Variants in FBXO15 observed in about 807,000 individuals in gnomAD.
The protein encoded by FBXO15 is F-box only protein 15.
In FBXO15, 30 loss-of-function variants were observed where a neutral mutation model predicts 49.5. The observed-to-expected ratio is 0.61, with a 90% CI of 0.45 to 0.82. The LOEUF (loss-of-function observed/expected upper bound fraction) is 0.82. Among genes scored for constraint, FBXO15 ranks in the 40% least tolerant of loss-of-function variants. FBXO15 has a pLI of 0.00. For missense variants in FBXO15, 591 were observed against 631.5 expected (o/e 0.94, Z 0.69); for synonymous variants, 250 against 232.7 (o/e 1.07, Z -0.68).
intron 2 of FBXO15, 33 bp downstream of exon 2, chr18:74,140,169 C>G (rs768907377): frequency 1.3e-6 from 2 of 1,526,878 alleles, no homozygotes; most frequent in South Asian, 2.4e-5. Flanking sequence ...GCCTAGAGGC[C>G]CCCAAAAGTG....
intron 8 of FBXO15, among the ~76,000 whole-genome samples, chr18:74,087,987 T>C (rs1912823538): frequency 6.6e-6 from 1 of 152,224 alleles, no homozygotes; most frequent in Non-Finnish European, 1.5e-5. Flanking sequence ...CATTTTATCA[T>C]ATGCTTGTTG....
chr18:74,096,012 C>A (rs1358805868), intron 8 of FBXO15, among the ~76,000 whole-genome samples: 1 of 152,144 alleles, frequency 6.6e-6, no homozygotes, highest in Non-Finnish European at 1.5e-5. Context: ...ACCCCTCCCC[C>A]GATTCTACCC....
chr18:74,123,837 G>C (rs1914577864), intron 7 of FBXO15, among the ~76,000 whole-genome samples: 1 of 152,008 alleles, frequency 6.6e-6, no homozygotes, highest in South Asian at 2.1e-4. Flanking sequence ...AGTGTCCAGG[G>C]GACAAAAGTG....
intron 8 of FBXO15, among the ~76,000 whole-genome samples, chr18:74,094,238 T>C (rs981504416): frequency 6.6e-6 from 1 of 152,194 alleles, no homozygotes; most frequent in African/African-American, 2.4e-5. Context: ...GCTGACTGTA[T>C]TGGAGGGTAG....
chr18:74,128,992 A>C (rs533142860), intron 5 of FBXO15, among the ~76,000 whole-genome samples: 1 of 152,374 alleles, frequency 6.6e-6, no homozygotes, highest in African/African-American at 2.4e-5. Flanking sequence ...ATATCTAGTA[A>C]GTTCAACAGA....
chr18:74,119,635 G>A (rs1295336859), intron 8 of FBXO15, among the ~76,000 whole-genome samples: 1 of 152,084 alleles, frequency 6.6e-6, no homozygotes, highest in East Asian at 1.9e-4. Flanking sequence ...TAAGATCTGG[G>A]GCAGTAACAC....
At chr18:74,105,227 T>C (rs1310741125) in intron 8 of FBXO15, among the ~76,000 whole-genome samples, 3 of 152,186 alleles carry the variant, frequency 2.0e-5, no homozygotes, top group Admixed American at 2.0e-4. Flanking sequence ...TAAAACCTAG[T>C]GTTAGACCAG....
chr18:74,106,864 T>C (rs1238892903), intron 8 of FBXO15, among the ~76,000 whole-genome samples: 7 of 152,060 alleles, frequency 4.6e-5, no homozygotes, highest in African/African-American at 7.2e-5. Flanking sequence ...GGAGAATGGG[T>C]CAATAAATTA....
chr18:74,110,161 G>A (rs1913950771), intron 8 of FBXO15, among the ~76,000 whole-genome samples: 1 of 118,002 alleles, frequency 8.5e-6, no homozygotes, highest in Admixed American at 9.0e-5. Context: ...ATACATATGT[G>A]TGCATATATA....
rs775940929 is a variant in FBXO15 at position 74,130,489 on chromosome 18, C to T, written c.502G>A (p.Ala168Thr). The change falls in exon 4 of 10, where the codon GCC becomes ACC. Residue 168 changes from alanine (A) to threonine (T), a missense_variant. Physicochemically the swap from Ala to Thr is moderately conservative, Grantham distance 58. Transcript: ENST00000419743. ...GGTTTGAGAATGTCAGCTAGTGCGG[C>T]TTTTACAGATGCTATTTGTTTTGTG... ...YITKQIASVK[A>T]ALADILKPVN... is the part of the protein sequence containing the mutation. The T allele has an allele frequency of 1.9e-6, 3 of 1,614,140 alleles. No homozygotes were observed. The East Asian group carries it at 6.7e-5, about 36-fold the overall frequency.
intron 3 of FBXO15, among the ~76,000 whole-genome samples, chr18:74,132,662 C>G (rs554423233): frequency 6.6e-6 from 1 of 152,272 alleles, no homozygotes; most frequent in East Asian, 1.9e-4. Flanking sequence ...ACTTCTTGAT[C>G]CCCAAATGCT....
chr18:74,088,424 A>C (rs1568158874), intron 8 of FBXO15, among the ~76,000 whole-genome samples: 1 of 152,216 alleles, frequency 6.6e-6, no homozygotes, highest in Non-Finnish European at 1.5e-5. Flanking sequence ...GCATATGGCT[A>C]GCCAGTTATC....
intron 6 of FBXO15, 26 bp downstream of exon 6, chr18:74,125,948 CA>C (rs1484187069): frequency 1.1e-5 from 18 of 1,611,572 alleles, no homozygotes; most frequent in Non-Finnish European, 1.5e-5. Flanking sequence ...GGAAATGACA[CA>C]GTACATACAG....
intron 8 of FBXO15, among the ~76,000 whole-genome samples, chr18:74,089,198 C>A (rs1026561914): frequency 6.6e-6 from 1 of 152,064 alleles, no homozygotes; most frequent in Non-Finnish European, 1.5e-5. Flanking sequence ...CTTTTTGTGG[C>A]AATTGTGAAT....
intron 3 of FBXO15, among the ~76,000 whole-genome samples, chr18:74,133,255 C>T (rs757330767): frequency 6.6e-6 from 1 of 152,090 alleles, no homozygotes; most frequent in African/African-American, 2.4e-5. Context: ...ATCAGTAGCT[C>T]ATATTTCCAA....
In FBXO15 at chr18:74,073,442, A is replaced by G. The variant is rs201733966; in HGVS notation, c.*19T>C. The G allele has an allele frequency of 1.2e-4, 192 of 1,601,684 alleles. No homozygotes were observed. The highest frequency in any genetic ancestry group is 1.6e-4 in the Non-Finnish European group (187 of 1,174,030). On this transcript the variant is annotated 3_prime_UTR_variant, in exon 10 of 10. Transcript: ENST00000419743. Reference sequence around the variant, plus strand: ...CAAAAATAAACAACTAAATAACAACAATAATTTGCCACCTACTGCTAATAT... The same window carrying G: ...CAAAAATAAACAACTAAATAACAACGATAATTTGCCACCTACTGCTAATAT...
chr18:74,109,290 C>T (rs979184302), intron 8 of FBXO15, among the ~76,000 whole-genome samples: 18 of 152,106 alleles, frequency 1.2e-4, no homozygotes, highest in South Asian at 4.1e-4. Context: ...CACCATCTCA[C>T]GCCAGTTAGA....
At chr18:74,137,025 T>C (rs1454421286) in intron 2 of FBXO15, among the ~76,000 whole-genome samples, 1 of 152,202 alleles carries the variant, frequency 6.6e-6, no homozygotes, top group Non-Finnish European at 1.5e-5. Flanking sequence ...CCGATAATAC[T>C]GAGAAAGAAT....
Position 74,073,480 on chromosome 18 carries a change from C to T in FBXO15, c.1514G>A (p.Trp505Ter), listed in dbSNP as rs1463834993. The T allele has an allele frequency of 1.2e-6, 2 of 1,613,792 alleles. No homozygotes were observed. The highest frequency in any genetic ancestry group is 4.5e-5 in the East Asian group (2 of 44,880). ...CTACTGCTAATATTCAGTCCCAAAC[C>T]AATGGTTGATTTTTGCGATACTAAG... ...LYLSIAKINHWFGTEY is the reference protein window; with the variant it reads ...LYLSIAKINH The change falls in exon 10 of 10, where the codon TGG becomes TAG. Residue 505 changes from tryptophan (W) to a stop codon, truncating the protein, a stop_gained. Coordinates refer to ENST00000419743, the MANE Select transcript of FBXO15 (RefSeq NM_001142958.2). LOFTEE classifies it high-confidence loss of function.
Sources: gnomAD v4.1 joint callset for allele counts (sites outside exome capture counted in the v4.1 genomes callset) on GRCh38, gnomAD v4.1.1 for gene constraint, MANE v1.5 for transcripts, NCBI Gene and HGNC (gene_info 2026-07-23, HGNC 2026-07-21) for gene names.